Variants in RGSL1 observed in about 807,000 individuals in gnomAD.
RGSL1 encodes the protein regulator of G protein signaling like 1.
RGSL1 carries 97 observed loss-of-function variants against 124.7 expected under a neutral mutation model. The ratio of observed to expected loss-of-function variants is 0.78; its 90% confidence interval spans 0.66 to 0.92. The LOEUF is 0.92. RGSL1 is among the 40% of genes least tolerant of loss of function. The probability of loss-of-function intolerance (pLI) is 0.00; values close to 1 mark genes in which losing one functional copy is unlikely to be tolerated. For missense variants in RGSL1, 1,233 were observed against 1,288.4 expected (o/e 0.96, Z 0.66); for synonymous variants, 424 against 438.1 (o/e 0.97, Z 0.40).
At chr1:182,544,112 TA>T (rs1660060920) in intron 15 of RGSL1, among the ~76,000 whole-genome samples, 2 of 152,128 alleles carry the variant, frequency 1.3e-5, no homozygotes. Context: ...GAAGTCTTTC[TA>T]CTTTTTTGAT....
At chr1:182,529,812 T>C (rs981393340) in intron 11 of RGSL1, among the ~76,000 whole-genome samples, 2 of 152,126 alleles carry the variant, frequency 1.3e-5, no homozygotes, top group African/African-American at 4.8e-5. Context: ...CAAGTCTCAT[T>C]AATGAACACA....
Position 182,489,157 on chromosome 1 carries a change from G to T in RGSL1, c.1672G>T (p.Gly558Ter). The T allele has an allele frequency of 3.2e-6, 5 of 1,551,730 alleles. No homozygotes were observed. Among genetic ancestry groups the T allele is most frequent in the Non-Finnish European group, 3.5e-6 (4 of 1,147,010 alleles). ...RKIATEDLKQ[G>*]GSLQVELTSP... ...GATAGCTACTGAGGACCTGAAGCAA[G>T]GAGGCTCTCTCCAGGTAGAGCTGAC... is the stretch of plus-strand genomic sequence containing the variant. Residue 558 changes from glycine to a stop codon, truncating the protein, a stop_gained, in exon 8 of 22, where the codon GGA becomes TGA. Coordinates refer to ENST00000294854, the MANE Select transcript of RGSL1 (RefSeq NM_001137669.2). LOFTEE classifies it high-confidence loss of function.
chr1:182,469,599 T>C (rs1234819243), intron 4 of RGSL1, among the ~76,000 whole-genome samples: 2 of 152,072 alleles, frequency 1.3e-5, no homozygotes, highest in African/African-American at 4.8e-5. Context: ...AGCATGGAGG[T>C]TTCTCAAAAA....
chr1:182,485,552 T>TTA (rs1260202440), intron 6 of RGSL1, among the ~76,000 whole-genome samples: 7 of 152,166 alleles, frequency 4.6e-5, no homozygotes, highest in African/African-American at 1.2e-4. Flanking sequence ...AAATACATGT[T>TTA]CATCCTCTTC....
chr1:182,458,306 CT>C lies in RGSL1; in HGVS notation c.97-10del, dbSNP rs1340977195. On this transcript the variant is annotated splice_polypyrimidine_tract_variant and intron_variant, in intron 2 of 21. Coordinates refer to ENST00000294854, the MANE Select transcript of RGSL1 (RefSeq NM_001137669.2). ...CTCTACTCCCTTGACTGTTTCCTAG[CT>C]TTGTTTTGCAGGTTTTTGGTCAGAC... The C allele has an allele frequency of 2.6e-6, 4 of 1,550,150 alleles. No individual in the cohort carries two copies. The highest frequency in any genetic ancestry group is 3.5e-6 in the Non-Finnish European group (4 of 1,145,456).
At chr1:182,535,036 T>C (rs1659442615) in intron 14 of RGSL1, among the ~76,000 whole-genome samples, 1 of 152,128 alleles carries the variant, frequency 6.6e-6, no homozygotes, top group Non-Finnish European at 1.5e-5. Flanking sequence ...GGGAAGAGCT[T>C]GTGACACTCA....
intron 9 of RGSL1, among the ~76,000 whole-genome samples, chr1:182,513,725 C>G (rs1174880395): frequency 6.6e-6 from 1 of 152,046 alleles, no homozygotes; most frequent in Non-Finnish European, 1.5e-5. Flanking sequence ...ACTATCTGGT[C>G]CCAGGGCCTA....
At chr1:182,452,923 G>A (rs905054328) in intron 1 of RGSL1, among the ~76,000 whole-genome samples, 2 of 152,122 alleles carry the variant, frequency 1.3e-5, no homozygotes, top group African/African-American at 4.8e-5. Context: ...CATAGTATTC[G>A]GACCCATTTT....
chr1:182,460,616 C>T (rs1652745338), intron 4 of RGSL1: 1 of 455,332 alleles, frequency 2.2e-6, no homozygotes, highest in South Asian at 1.6e-5. Context: ...TTGCTCTCTT[C>T]CTCATAGAAG....
intron 8 of RGSL1, among the ~76,000 whole-genome samples, chr1:182,491,724 A>G (rs970131524): frequency 2.6e-5 from 4 of 152,140 alleles, no homozygotes; most frequent in African/African-American, 9.6e-5. Context: ...TCACAGGTCC[A>G]CACCCCAGTA....
chr1:182,559,481 G>C (rs11581355), intron 21 of RGSL1, among the ~76,000 whole-genome samples: 2 of 151,890 alleles, frequency 1.3e-5, no homozygotes, highest in African/African-American at 4.8e-5. Context: ...TGCTTTTGTC[G>C]GGCCCTTGTC....
intron 8 of RGSL1, among the ~76,000 whole-genome samples, chr1:182,489,522 C>A (rs184832544): frequency 6.6e-6 from 1 of 152,196 alleles, no homozygotes. Context: ...ATAGTTGATG[C>A]TGAATACTTC....
intron 17 of RGSL1, chr1:182,550,867 G>A (rs1463970610): frequency 7.8e-6 from 4 of 515,688 alleles, no homozygotes; most frequent in Non-Finnish European, 1.0e-5. Flanking sequence ...CCAGAAAGAA[G>A]CCCCAACAAA....
intron 9 of RGSL1, among the ~76,000 whole-genome samples, chr1:182,505,999 T>G (rs1313394474): frequency 2.0e-5 from 3 of 152,210 alleles, no homozygotes; most frequent in Non-Finnish European, 4.4e-5. Context: ...TTATTGCTCT[T>G]ACTAGGTCTT....
intron 11 of RGSL1, among the ~76,000 whole-genome samples, chr1:182,528,761 A>G (rs1658944564): frequency 6.6e-6 from 1 of 152,160 alleles, no homozygotes; most frequent in South Asian, 2.1e-4. Flanking sequence ...AACTCCCAGT[A>G]CCAATTTACT....
chr1:182,534,272 C>T (rs1388545046), intron 14 of RGSL1, among the ~76,000 whole-genome samples: 2 of 152,150 alleles, frequency 1.3e-5, no homozygotes, highest in African/African-American at 2.4e-5. Context: ...TCTGGTTCCT[C>T]GCATTCTCAT....
intron 14 of RGSL1, among the ~76,000 whole-genome samples, chr1:182,538,206 T>C (rs1227321823): frequency 6.6e-6 from 1 of 152,156 alleles, no homozygotes; most frequent in African/African-American, 2.4e-5. Context: ...TGGTACTCTA[T>C]CTTGGACAAA....
intron 20 of RGSL1, 159 bp downstream of exon 20, chr1:182,554,852 A>G: frequency 2.9e-6 from 2 of 694,080 alleles, no homozygotes; most frequent in South Asian, 3.6e-5. Context: ...GTGGGAAGTT[A>G]AAGAGGTGTT....
At chr1:182,539,775 C>T (rs1400520184) in intron 14 of RGSL1, among the ~76,000 whole-genome samples, 1 of 152,204 alleles carries the variant, frequency 6.6e-6, no homozygotes, top group African/African-American at 2.4e-5. Context: ...TCGTTAGTCT[C>T]TTCTGTACTC....
Sources: allele counts gnomAD v4.1 joint callset (sites outside exome capture counted in the v4.1 genomes callset), GRCh38; gene constraint gnomAD v4.1.1; transcripts MANE v1.5; gene names NCBI Gene and HGNC (gene_info 2026-07-23, HGNC 2026-07-21).